The following VEZT variants were observed in gnomAD, a reference collection of about 807,000 sequenced individuals.
VEZT encodes vezatin, adherens junctions transmembrane protein.
A neutral mutation model predicts 79.9 loss-of-function variants in VEZT; 39 were observed. The observed-to-expected ratio is 0.49, with a 90% confidence interval of 0.38 to 0.64. VEZT has a LOEUF of 0.64. VEZT is among the 30% of genes least tolerant of loss of function. The pLI is 0.00. For synonymous variants in VEZT, 325 were observed against 327.6 expected, an observed-to-expected ratio of 0.99 and a Z score of 0.09; for missense variants, 837 against 893.1, an observed-to-expected ratio of 0.94 and a Z score of 0.80.
chr12:95,284,548 T>C (rs2070091467), intron 8 of VEZT, among the ~76,000 whole-genome samples: 1 of 152,180 alleles, frequency 6.6e-6, no homozygotes, highest in Non-Finnish European at 1.5e-5. Flanking sequence ...CAAACTAAAG[T>C]CCTTACAAAA....
At chr12:95,283,838 C>T (rs896515051) in intron 8 of VEZT, among the ~76,000 whole-genome samples, 1 of 152,212 alleles carries the variant, frequency 6.6e-6, no homozygotes, top group Non-Finnish European at 1.5e-5. Context: ...GCTAACGAGG[C>T]TCTTAGCCCT....
Position 95,294,324 on chromosome 12 carries a change from G to C in VEZT, c.1575G>C (p.Lys525Asn). ...CACATTGTACAGTAGTACCTTTGAA[G>C]CAGCCTACTCTACACATTGCAGACA... ...ENPHCTVVPL[K>N]QPTLHIADKD... The change falls in exon 10 of 12, where the codon AAG (lysine) becomes AAC (asparagine). Residue 525 changes from lysine to asparagine, a missense_variant. Transcript: ENST00000436874. 1 of 1,593,522 alleles carries C rather than the reference G, an allele frequency of 6.3e-7. No individual in the cohort carries two copies. The highest frequency in any genetic ancestry group is 1.3e-5 in the African/African-American group (1 of 74,672).
chr12:95,282,492 T>G lies in VEZT; in HGVS notation c.1176T>G (p.Leu392=). ...CTCATTCTGCCTGTTTGGAAGAGCT[T>G]AAGCGCAGCTATGAGTTCTATCGGT... is the stretch of plus-strand genomic sequence containing the variant. ...PHAHSACLEE[L]KRSYEFYRYF... Residue 392 remains leucine, a synonymous_variant, in exon 8 of 12, where the codon CTT becomes CTG. Coordinates refer to ENST00000436874, the MANE Select transcript of VEZT (RefSeq NM_017599.4). The G allele has an allele frequency of 6.2e-7, 1 of 1,614,014 alleles. No homozygotes were observed. Among genetic ancestry groups the G allele is most frequent in the Non-Finnish European group, 8.5e-7 (1 of 1,179,892 alleles).
intron 1 of VEZT, among the ~76,000 whole-genome samples, chr12:95,229,864 C>A (rs905591723): frequency 2.6e-5 from 4 of 152,020 alleles, no homozygotes; most frequent in Non-Finnish European, 5.9e-5. Flanking sequence ...GTGAGGCAGG[C>A]GGATCGCCTG....
intron 5 of VEZT, among the ~76,000 whole-genome samples, chr12:95,268,842 G>C (rs1226790037): frequency 6.6e-6 from 1 of 152,168 alleles, no homozygotes; most frequent in Non-Finnish European, 1.5e-5. Context: ...AAATTAGACA[G>C]TTTTTAAAAC....
At chr12:95,269,368 C>T (rs1215850689) in intron 5 of VEZT, among the ~76,000 whole-genome samples, 2 of 152,066 alleles carry the variant, frequency 1.3e-5, no homozygotes, top group African/African-American at 2.4e-5. Context: ...ATGCAGTAAC[C>T]CTTACTTTGC....
chr12:95,244,628 T>C (rs2061484794), intron 1 of VEZT, among the ~76,000 whole-genome samples: 1 of 150,960 alleles, frequency 6.6e-6, no homozygotes, highest in Non-Finnish European at 1.5e-5. Flanking sequence ...GGCCCTGTCA[T>C]CCAGGCTGGT....
In VEZT at chr12:95,242,203, A is replaced by G. The variant is rs181238152; in HGVS notation, c.37-9737A>G. The G allele has an allele frequency of 1.1e-4, 17 of 152,276 alleles. No individual in the cohort carries two copies. In the East Asian group the frequency reaches 3.1e-3, roughly 28 times the overall value. The allele number at this position is 152,276 out of a possible 1,614,324, so 9.4% of individuals were successfully genotyped here. ...ACTACTATGGAAGTACCACTACTAGATGGAAGTTTGACCTGGACATGGTGG... is the reference window on the plus strand; with the variant it reads ...ACTACTATGGAAGTACCACTACTAGGTGGAAGTTTGACCTGGACATGGTGG... On this transcript the variant is annotated intron_variant, in intron 1 of 11. Transcript: ENST00000436874.
rs1324591651 is a variant in VEZT at position 95,274,723 on chromosome 12, T to A, written c.849-19T>A. 1 of 1,596,586 alleles carries A rather than the reference T, an allele frequency of 6.3e-7. No homozygotes were observed. Among genetic ancestry groups the A allele is most frequent in the South Asian group, 1.1e-5 (1 of 87,552 alleles). ...GCTTTCATGAAAAGGCTTTGTTGAT[T>A]GCCTTAACCTAATTTAACCTACCCC... On this transcript the variant is annotated intron_variant, in intron 6 of 11. Coordinates refer to ENST00000436874, the MANE Select transcript of VEZT (RefSeq NM_017599.4).
chr12:95,267,997 G>T (rs915021129), intron 5 of VEZT, among the ~76,000 whole-genome samples: 3 of 152,006 alleles, frequency 2.0e-5, no homozygotes, highest in African/African-American at 4.8e-5. Flanking sequence ...ACTCCAGTTT[G>T]GGCAACAGAA....
At position 95,274,745 on chromosome 12, in the gene VEZT, C is replaced by A. The variant is rs1351120289; in HGVS notation, c.852C>A (p.Tyr284Ter). The change falls in exon 7 of 12, where the codon TAC (tyrosine) becomes TAA (stop). Residue 284 changes from tyrosine to a stop codon, truncating the protein, a stop_gained. Transcript: ENST00000436874. LOFTEE classifies it high-confidence loss of function. ...RLATLYMLKNYPLNSESDNVT... is the reference protein window; with the variant it reads ...RLATLYMLKN ...GATTGCCTTAACCTAATTTAACCTA[C>A]CCCCTGAACTCTGAGAGTGACAATG... 10 of 1,609,644 alleles carry A rather than the reference C, an allele frequency of 6.2e-6. No homozygotes were observed. The highest frequency in any genetic ancestry group is 4.2e-6 in the Non-Finnish European group (5 of 1,178,320).
intron 1 of VEZT, among the ~76,000 whole-genome samples, chr12:95,250,282 A>AT (rs1432051307): frequency 1.7e-3 from 199 of 115,138 alleles, no homozygotes; most frequent in South Asian, 6.2e-3. Flanking sequence ...AAGATTTATT[A>AT]TTTTTTTTTT....
intron 5 of VEZT, among the ~76,000 whole-genome samples, chr12:95,267,604 A>G (rs1176842540): frequency 6.6e-6 from 1 of 152,198 alleles, no homozygotes; most frequent in East Asian, 1.9e-4. Flanking sequence ...CACTGTTTCT[A>G]AAAAATCATG....
chr12:95,255,798 G>A (rs2138055617), intron 2 of VEZT, among the ~76,000 whole-genome samples: 1 of 152,166 alleles, frequency 6.6e-6, no homozygotes, highest in Admixed American at 6.5e-5. Flanking sequence ...CTGCACTATT[G>A]CCAATTATTT....
At chr12:95,236,264 A>T (rs2060163783) in intron 1 of VEZT, among the ~76,000 whole-genome samples, 1 of 152,156 alleles carries the variant, frequency 6.6e-6, no homozygotes, top group South Asian at 2.1e-4. Context: ...CCACCCAAAA[A>T]ATACGAAAAC....
At chr12:95,277,149 C>A (rs975169707) in intron 7 of VEZT, among the ~76,000 whole-genome samples, 1 of 151,780 alleles carries the variant, frequency 6.6e-6, no homozygotes, top group Non-Finnish European at 1.5e-5. Context: ...ATGTAAAGAA[C>A]CTTTTTAATG....
intron 7 of VEZT, among the ~76,000 whole-genome samples, chr12:95,277,989 C>T (rs1365509822): frequency 6.6e-6 from 1 of 152,180 alleles, no homozygotes; most frequent in Non-Finnish European, 1.5e-5. Flanking sequence ...TGTACTCTAG[C>T]TTAAGTATAG....
chr12:95,248,835 A>T (rs1013140410), intron 1 of VEZT, among the ~76,000 whole-genome samples: 1 of 145,560 alleles, frequency 6.9e-6, no homozygotes, highest in East Asian at 1.9e-4. Context: ...AAAAAAAAAA[A>T]AAAGAAAGAA....
chr12:95,299,998 A>G (rs2074975794), intron 11 of VEZT, 167 bp from the exon 12 acceptor site: 1 of 442,742 alleles, frequency 2.3e-6, no homozygotes, highest in African/African-American at 2.0e-5. Context: ...TCTCTTATAA[A>G]GTTTCCTGGA....
Sources: gnomAD v4.1 joint callset for allele counts (sites outside exome capture counted in the v4.1 genomes callset) on GRCh38, gnomAD v4.1.1 for gene constraint, MANE v1.5 for transcripts, NCBI Gene and HGNC (gene_info 2026-07-23, HGNC 2026-07-21) for gene names.